Variants in CACNA1A observed in about 807,000 individuals in gnomAD.
The protein encoded by CACNA1A is calcium voltage-gated channel subunit alpha1 A.
A neutral mutation model predicts 262.4 loss-of-function variants in CACNA1A; 57 were observed. That is an observed-to-expected ratio of 0.22 (90% confidence interval 0.18 to 0.27). The LOEUF (loss-of-function observed/expected upper bound fraction) is 0.27, where lower values mean the gene tolerates loss of function less well. Among genes scored for constraint, CACNA1A ranks in the 10% least tolerant of loss-of-function variants. The pLI is 1.00. For synonymous variants in CACNA1A, 1,431 were observed against 1,419.3 expected (o/e 1.01, Z -0.18); for missense variants, 2,526 against 3,562.8 (o/e 0.71, Z 7.41).
At chr19:13,353,873 A>G (rs1304791160) in intron 6 of CACNA1A, among the ~76,000 whole-genome samples, 1 of 152,094 alleles carries the variant, frequency 6.6e-6, no homozygotes, top group Admixed American at 6.5e-5. Context: ...TGCCTGACCT[A>G]GACTAAGGAA....
At chr19:13,372,997 C>T (rs1025760941) in intron 3 of CACNA1A, among the ~76,000 whole-genome samples, 6 of 152,194 alleles carry the variant, frequency 3.9e-5, no homozygotes, top group Non-Finnish European at 8.8e-5. Context: ...GTTTCCTGAA[C>T]ATGTCCATTT....
At chr19:13,278,563 C>T (rs10403191) in intron 22 of CACNA1A, among the ~76,000 whole-genome samples, 108,478 of 152,030 alleles carry the variant, frequency 0.71, 39,146 homozygotes, top group East Asian at 0.97. Context: ...CACCACACCC[C>T]CGGCCACTTA....
chr19:13,455,229 G>A lies in CACNA1A; in HGVS notation c.294-17C>T, dbSNP rs752007612. 7 of 1,504,692 alleles carry A rather than the reference G, an allele frequency of 4.7e-6. No homozygotes were observed. The highest frequency in any genetic ancestry group is 5.6e-6 in the Non-Finnish European group (6 of 1,080,914). 93.2% of individuals were successfully genotyped at this position (1,504,692 alleles called of 1,614,324 possible). ...TCAAAGGGAGTATTGGGGAATTAAG[G>A]AAAAATCTTGTTCAAAGAAAAGAAG... On this transcript the variant is annotated splice_polypyrimidine_tract_variant and intron_variant, in intron 1 of 46. Coordinates refer to ENST00000360228, the MANE Select transcript of CACNA1A (RefSeq NM_001127222.2).
At chr19:13,300,688 A>T (rs2057769291) in intron 17 of CACNA1A, 32 bp from the exon 18 acceptor site, 1 of 1,559,944 alleles carries the variant, frequency 6.4e-7, no homozygotes, top group African/African-American at 1.4e-5. Flanking sequence ...TGTTCACAAA[A>T]CATGAACTAG....
chr19:13,212,305 G>A lies in CACNA1A; in HGVS notation c.6189+79C>T. 1.3e-6 allele frequency: 2 copies of A among 1,566,418 alleles called. No individual in the cohort carries two copies. The highest frequency in any genetic ancestry group is 1.8e-6 in the Non-Finnish European group (2 of 1,139,762). ...CAGAGGGAGGGAGCTGCAGGTGTGTGTGTGTGGGGGGCCCAGATCCCTTCC... is the reference window on the plus strand; with the variant it reads ...CAGAGGGAGGGAGCTGCAGGTGTGTATGTGTGGGGGGCCCAGATCCCTTCC... On this transcript the variant is annotated intron_variant, in intron 42 of 46. Coordinates refer to ENST00000360228, the MANE Select transcript of CACNA1A (RefSeq NM_001127222.2). The surrounding 1 kb of genome is among the most constrained non-coding windows in gnomAD (Gnocchi z 5.6).
chr19:13,413,310 G>A (rs1050925569), intron 3 of CACNA1A, among the ~76,000 whole-genome samples: 8 of 151,374 alleles, frequency 5.3e-5, no homozygotes, highest in Admixed American at 1.3e-4. Flanking sequence ...GTTTCACTGT[G>A]TTAGCCAGGA....
At chr19:13,391,189 T>A (rs992729856) in intron 3 of CACNA1A, among the ~76,000 whole-genome samples, 2 of 152,148 alleles carry the variant, frequency 1.3e-5, no homozygotes, top group African/African-American at 4.8e-5. Flanking sequence ...CTGGCCCCAA[T>A]TGCATCTTTA....
rs533519550 is a variant in CACNA1A at position 13,285,272 on chromosome 19, T to C, written c.3554-66A>G. 660 of 1,584,932 alleles carry C rather than the reference T, an allele frequency of 4.2e-4. 3 individuals are homozygous for C. The South Asian group carries it at 4.5e-3, about 11-fold the overall frequency. On this transcript the variant is annotated intron_variant, in intron 20 of 46. Coordinates refer to ENST00000360228, the MANE Select transcript of CACNA1A (RefSeq NM_001127222.2). ...TCCCACAAGTCTCTGGGAACTCCTG[T>C]GTACTCCCAGGGCAGGCAAGAAGCG... is the stretch of plus-strand genomic sequence containing the variant.
intron 3 of CACNA1A, among the ~76,000 whole-genome samples, chr19:13,443,927 G>C (rs1417647508): frequency 6.6e-6 from 1 of 151,972 alleles, no homozygotes; most frequent in Non-Finnish European, 1.5e-5. Flanking sequence ...GGCTCAATGT[G>C]ATAATACACA....
chr19:13,219,042 ATTTTTTT>A (rs554840529), intron 38 of CACNA1A, among the ~76,000 whole-genome samples: 93 of 118,014 alleles, frequency 7.9e-4, no homozygotes, highest in Admixed American at 2.7e-3. Context: ...CCCTTTGCAG[ATTTTTTT>A]TTTTTTTTTT....
intron 17 of CACNA1A, 136 bp from the exon 18 acceptor site, chr19:13,300,792 G>T: frequency 1.4e-6 from 1 of 722,066 alleles, no homozygotes; most frequent in South Asian, 1.5e-5. Context: ...ATTGGAATGG[G>T]TACCTGCTAT....
chr19:13,229,924 G>A, intron 36 of CACNA1A, 158 bp downstream of exon 36: 1 of 800,350 alleles, frequency 1.2e-6, no homozygotes, highest in Non-Finnish European at 1.9e-6. Context: ...GTATGCAAGG[G>A]TGATGATTCT....
intron 24 of CACNA1A, 141 bp from the exon 25 acceptor site, chr19:13,262,974 C>T: frequency 1.5e-6 from 1 of 673,574 alleles, no homozygotes; most frequent in Non-Finnish European, 2.7e-6. Context: ...CCTGCCCTTC[C>T]TGGTGAAGAG....
intron 6 of CACNA1A, among the ~76,000 whole-genome samples, chr19:13,345,060 G>T (rs2058740572): frequency 6.6e-6 from 1 of 151,974 alleles, no homozygotes; most frequent in Non-Finnish European, 1.5e-5. Context: ...TGCCCAGCTT[G>T]GTGGATCATT....
intron 3 of CACNA1A, among the ~76,000 whole-genome samples, chr19:13,423,516 T>C (rs2060350651): frequency 6.6e-6 from 1 of 151,998 alleles, no homozygotes; most frequent in South Asian, 2.1e-4. Flanking sequence ...TTTTCTTTTC[T>C]TTTTTTCTTT....
chr19:13,257,768 G>A (rs745426521), intron 27 of CACNA1A: 10 of 381,214 alleles, frequency 2.6e-5, no homozygotes, highest in Non-Finnish European at 3.8e-5. Context: ...ATGGAGTTTC[G>A]CTCTCGTTGC....
intron 9 of CACNA1A, among the ~76,000 whole-genome samples, 158 bp downstream of exon 9, chr19:13,332,711 T>A (rs2058487392): frequency 6.6e-6 from 1 of 151,952 alleles, no homozygotes; most frequent in African/African-American, 2.4e-5. Flanking sequence ...GAGGCCAGAA[T>A]AGGGAAACTC....
In CACNA1A at chr19:13,402,972, C is replaced by T. The variant is rs185653851; in HGVS notation, c.540-31193G>A. Among the ~76,000 whole-genome samples the T allele has an allele frequency of 2.9e-4, 42 of 142,770 alleles. 2 individuals are homozygous for T. The East Asian group carries it at 8.1e-3, about 27-fold the overall frequency. 93.7% of individuals were successfully genotyped at this position (142,770 alleles called of 152,430 possible). ...ACCATCAAACAGTAGCAATATGTGC[C>T]GACATCTAGATCGTCTGCTCAAATA... On this transcript the variant is annotated intron_variant, in intron 3 of 46. Coordinates refer to ENST00000360228, the MANE Select transcript of CACNA1A (RefSeq NM_001127222.2).
intron 22 of CACNA1A, among the ~76,000 whole-genome samples, chr19:13,280,601 A>C (rs1178568968): frequency 6.6e-6 from 1 of 152,122 alleles, no homozygotes; most frequent in Non-Finnish European, 1.5e-5. Context: ...CAGGGGATGG[A>C]TAACACATCC....
Sources: gnomAD v4.1 joint callset for allele counts (sites outside exome capture counted in the v4.1 genomes callset) on GRCh38, gnomAD v4.1.1 for gene constraint, Gnocchi (gnomAD v3.1) non-coding constraint, MANE v1.5 for transcripts, NCBI Gene and HGNC (gene_info 2026-07-23, HGNC 2026-07-21) for gene names.